Variants in MCM3 observed in about 807,000 individuals in gnomAD.
The protein encoded by MCM3 is DNA replication licensing factor MCM3.
Under a neutral mutation model 91.3 loss-of-function variants are expected in MCM3, and 59 were observed. The ratio of observed to expected loss-of-function variants is 0.65; its 90% CI spans 0.52 to 0.80. The LOEUF (loss-of-function observed/expected upper bound fraction) is 0.80. Among genes scored for constraint, MCM3 ranks in the 30% least tolerant of loss-of-function variants. The probability of loss-of-function intolerance (pLI) is 0.00; values close to 1 mark genes in which losing one functional copy is unlikely to be tolerated. For synonymous variants in MCM3, 383 were observed against 379.6 expected (o/e 1.01, Z -0.10); for missense variants, 919 against 1,035.4 (o/e 0.89, Z 1.54).
chr6:52,284,611 A>T lies in MCM3; in HGVS notation c.64T>A (p.Phe22Ile). Residue 22 changes from phenylalanine (F) to isoleucine (I), a missense_variant, in exon 1 of 17, where the codon TTC becomes ATC. Coordinates refer to ENST00000596288, the MANE Select transcript of MCM3 (RefSeq NM_002388.6). ...LREAQRDYLD[F>I]LDDEEDQGIY... ...GCCTCCCTCACCTCGTCGTCCAGGA[A>T]GTCCAGGTAATCTCTCTGAGCCTCC... The T allele has an allele frequency of 6.2e-7, 1 of 1,608,666 alleles. No individual in the cohort carries two copies. Among genetic ancestry groups the T allele is most frequent in the Non-Finnish European group, 8.5e-7 (1 of 1,178,556 alleles).
chr6:52,283,893 ACT>A (rs1398214807), intron 1 of MCM3, among the ~76,000 whole-genome samples: 6 of 152,136 alleles, frequency 3.9e-5, no homozygotes, highest in African/African-American at 9.7e-5. Context: ...AATAAAACAG[ACT>A]CTTAATAGTC....
chr6:52,269,298 G>C (rs1339842503), intron 12 of MCM3, 72 bp from the exon 13 acceptor site: 31 of 1,486,092 alleles, frequency 2.1e-5, no homozygotes, highest in Non-Finnish European at 2.6e-5. Flanking sequence ...TGCACAGAAA[G>C]GGAAATGACA....
At chr6:52,283,052 C>T (rs1766268796) in intron 2 of MCM3, among the ~76,000 whole-genome samples, 191 bp from the exon 3 acceptor site, 1 of 150,724 alleles carries the variant, frequency 6.6e-6, no homozygotes, top group Non-Finnish European at 1.5e-5. Flanking sequence ...AACTTCACCT[C>T]AACTTATCAA....
In MCM3 at chr6:52,264,687, G is replaced by A. The variant is rs935561183; in HGVS notation, c.2328C>T (p.Ser776=). 40 of 1,614,020 alleles carry A rather than the reference G, an allele frequency of 2.5e-5. No individual in the cohort carries two copies. Among genetic ancestry groups the A allele is most frequent in the Non-Finnish European group, 3.1e-5 (37 of 1,180,016 alleles). ...TCTCAACTGAAGAGAAGGGCTCTTC[G>A]CTGTCCCGGTTGATGGATTCTGTGA... ...NRLTESINRD[S]EEPFSSVEIQ... Residue 776 remains serine, a synonymous_variant, in exon 17 of 17, where the codon AGC becomes AGT. Transcript: ENST00000596288.
chr6:52,266,152 G>C lies in MCM3; in HGVS notation c.2159-8C>G, dbSNP rs756668329. 6 of 1,612,038 alleles carry C rather than the reference G, an allele frequency of 3.7e-6. No individual in the cohort carries two copies. The Admixed American group carries it at 1.0e-4, about 27-fold the overall frequency. ...CCGTCTTTGGAGTGTGTACTTCAGA[G>C]GGTTGATGGTTGTAGAGATGGGGAA... On this transcript the variant is annotated splice_polypyrimidine_tract_variant and splice_region_variant and intron_variant, in intron 15 of 16. Coordinates refer to ENST00000596288, the MANE Select transcript of MCM3 (RefSeq NM_002388.6).
chr6:52,270,964 G>C (rs1198823611), intron 12 of MCM3, among the ~76,000 whole-genome samples: 1 of 152,212 alleles, frequency 6.6e-6, no homozygotes, highest in Non-Finnish European at 1.5e-5. Flanking sequence ...TATAATCCCA[G>C]CACTTTGGAA....
intron 4 of MCM3, among the ~76,000 whole-genome samples, chr6:52,280,522 AG>A (rs1274757251): frequency 1.3e-5 from 2 of 152,230 alleles, no homozygotes; most frequent in African/African-American, 4.8e-5. Context: ...AAGTTCCCCC[AG>A]GTCACACAGT....
chr6:52,278,030 T>C (rs959956323), intron 6 of MCM3, among the ~76,000 whole-genome samples: 4 of 128,384 alleles, frequency 3.1e-5, no homozygotes, highest in African/African-American at 1.2e-4. Context: ...ATCGCACCAT[T>C]GCACTCCAGC....
Position 52,277,268 on chromosome 6 carries a change from G to T in MCM3, c.1034-70C>A, listed in dbSNP as rs1168960051. 9 of 1,539,218 alleles carry T rather than the reference G, an allele frequency of 5.8e-6. No homozygotes were observed. In the Admixed American group the frequency reaches 1.6e-4, roughly 27 times the overall value. On this transcript the variant is annotated intron_variant, in intron 7 of 16. Transcript: ENST00000596288. ...ACCCCCAGCAAATTCTGCCTTTCTA[G>T]CACAGCTCTTGACACAACAGAGTCA...
intron 13 of MCM3, 145 bp from the exon 14 acceptor site, chr6:52,268,113 C>T: frequency 9.3e-7 from 1 of 1,069,784 alleles, no homozygotes; most frequent in Non-Finnish European, 1.4e-6. Flanking sequence ...TCCCTAAGTC[C>T]CAGGACCAGG....
chr6:52,264,793 C>A lies in MCM3; in HGVS notation c.2229-7G>T. 6.2e-7 allele frequency: 1 copy of A among 1,613,336 alleles called. No individual in the cohort carries two copies. The highest frequency in any genetic ancestry group is 2.2e-5 in the East Asian group (1 of 44,882). ...CACCTTGAATGCCTTCAACCTGCCC[C>A]AGACAGAAGAAAGGGGGAAGAGGAG... is the stretch of plus-strand genomic sequence containing the variant. On this transcript the variant is annotated splice_region_variant and splice_polypyrimidine_tract_variant and intron_variant, in intron 16 of 16. Coordinates refer to ENST00000596288, the MANE Select transcript of MCM3 (RefSeq NM_002388.6).
Position 52,272,966 on chromosome 6 carries a change from A to ACC in MCM3, c.1676+262_1676+263dup, listed in dbSNP as rs150185745. On this transcript the variant is annotated intron_variant, in intron 11 of 16. Transcript: ENST00000596288. ...TTGCCATCTTTCATATATAAGGCACACCCACCATCAGGCGTATCATCAAAA... is the reference window on the plus strand; with the variant it reads ...TTGCCATCTTTCATATATAAGGCACACCCCCACCATCAGGCGTATCATCAAAA... Among the ~76,000 whole-genome samples, 236 of 152,320 alleles carry ACC rather than the reference A, an allele frequency of 1.5e-3. 1 individual carries two copies. The highest frequency in any genetic ancestry group is 5.2e-3 in the African/African-American group (218 of 41,578).
rs764129051 is a variant in MCM3 at position 52,264,733 on chromosome 6, T to C, written c.2282A>G (p.Gln761Arg). ...LLDVFREAHA[Q>R]SIGMNRLTES... is the part of the protein sequence containing the mutation. The stretch of plus-strand genomic sequence containing the variant: ...TGTGAGGCGATTCATGCCGATTGAC[T>C]GCGCATGAGCTTCCCGGAACACATC... The change falls in exon 17 of 17, where the codon CAG becomes CGG. Residue 761 changes from glutamine to arginine, a missense_variant. Around this residue, in one of 3 missense-constraint regions of MCM3, gnomAD observed 285 missense variants for 311.4 expected, o/e 0.92. Transcript: ENST00000596288. The C allele has an allele frequency of 3.7e-6, 6 of 1,614,168 alleles. No homozygotes were observed. In the South Asian group the frequency reaches 4.4e-5, roughly 12 times the overall value.
intron 3 of MCM3, 138 bp from the exon 4 acceptor site, chr6:52,282,313 T>C (rs1766176482): frequency 1.3e-6 from 1 of 771,264 alleles, no homozygotes; most frequent in Non-Finnish European, 2.1e-6. Context: ...TATTACCTTT[T>C]ATTCACTTTT....
rs1765654228 is a variant in MCM3 at position 52,277,214 on chromosome 6, A to G, written c.1034-16T>C. The G allele has an allele frequency of 6.2e-7, 1 of 1,609,308 alleles. No homozygotes were observed. Among genetic ancestry groups the G allele is most frequent in the Non-Finnish European group, 8.5e-7 (1 of 1,177,580 alleles). On this transcript the variant is annotated splice_polypyrimidine_tract_variant and intron_variant, in intron 7 of 16. Coordinates refer to ENST00000596288, the MANE Select transcript of MCM3 (RefSeq NM_002388.6). ...GATGGGTCTCCTGTAGGGTGGGGGC[A>G]GTGATGACTCTCTAGGAAACTCCCC...
In MCM3 at chr6:52,283,404, T is replaced by C; in HGVS notation, c.81A>G (p.Glu27=). The change falls in exon 2 of 17, where the codon GAA becomes GAG. Residue 27 remains glutamate (E), a splice_region_variant and synonymous_variant. Coordinates refer to ENST00000596288, the MANE Select transcript of MCM3 (RefSeq NM_002388.6). ...RDYLDFLDDE[E]DQGIYQSKVR... is the part of the protein sequence containing the mutation. ...CTTTGCTCTGATAAATTCCCTGGTC[T>C]TCCTGCAAAACAGCCACCACATATC... is the stretch of plus-strand genomic sequence containing the variant. 6.2e-7 allele frequency: 1 copy of C among 1,611,310 alleles called. No homozygotes were observed. The highest frequency in any genetic ancestry group is 8.5e-7 in the Non-Finnish European group (1 of 1,177,378).
chr6:52,272,779 G>C (rs915424132), intron 11 of MCM3, among the ~76,000 whole-genome samples: 32 of 152,176 alleles, frequency 2.1e-4, no homozygotes, highest in Non-Finnish European at 3.2e-4. Flanking sequence ...CAGCTTTGAA[G>C]ATTATGCTAT....
chr6:52,274,396 C>A (rs1765389712), intron 9 of MCM3, among the ~76,000 whole-genome samples: 1 of 152,162 alleles, frequency 6.6e-6, no homozygotes, highest in Non-Finnish European at 1.5e-5. Flanking sequence ...ATCTTAGAAA[C>A]TGGCCAGGCA....
chr6:52,279,341 CTT>C lies in MCM3; in HGVS notation c.770+18_770+19del. On this transcript the variant is annotated intron_variant, in intron 5 of 16. Coordinates refer to ENST00000596288, the MANE Select transcript of MCM3 (RefSeq NM_002388.6). ...GAAGCTGTCAACAGCATTCCATATA[CTT>C]TAAGGCAGACCCTTTACCTGAAGGT... The C allele has an allele frequency of 6.3e-7, 1 of 1,595,874 alleles. No homozygotes were observed. The highest frequency in any genetic ancestry group is 1.1e-5 in the South Asian group (1 of 90,528).
Sources: gnomAD v4.1 joint callset for allele counts (sites outside exome capture counted in the v4.1 genomes callset) on GRCh38, gnomAD v4.1.1 for gene constraint, gnomAD v4.1.1 regional missense constraint, MANE v1.5 for transcripts, NCBI Gene and HGNC (gene_info 2026-07-23, HGNC 2026-07-21) for gene names.